MAN1C1: variants seen among roughly 807,000 people sequenced by gnomAD.
The protein encoded by MAN1C1 is mannosidase alpha class 1C member 1, also known as mannosyl-oligosaccharide 1,2-alpha-mannosidase IC.
In MAN1C1, 49 loss-of-function variants were observed where a neutral mutation model predicts 71.5. That is an observed-to-expected ratio of 0.69 (90% CI 0.54 to 0.87). MAN1C1 has a LOEUF of 0.87. Among genes scored for constraint, MAN1C1 ranks in the 40% least tolerant of loss-of-function variants. The pLI, the probability that MAN1C1 is intolerant of heterozygous loss-of-function variation, is 0.00. For missense variants in MAN1C1, 743 were observed against 835.0 expected (o/e 0.89, Z 1.36); for synonymous variants, 352 against 343.7 (o/e 1.02, Z -0.27).
intron 2 of MAN1C1, among the ~76,000 whole-genome samples, chr1:25,710,932 G>A (rs530136311): frequency 7.2e-5 from 11 of 152,218 alleles, no homozygotes; most frequent in Non-Finnish European, 1.6e-4. Flanking sequence ...AGGCCTCGGG[G>A]TCCTCACTTG....
chr1:25,696,802 C>T (rs371227351), intron 2 of MAN1C1, among the ~76,000 whole-genome samples: 2 of 152,004 alleles, frequency 1.3e-5, no homozygotes, highest in Admixed American at 6.6e-5. Context: ...CGGGACACCA[C>T]GCCTGGCTAA....
intron 2 of MAN1C1, among the ~76,000 whole-genome samples, chr1:25,713,363 G>A (rs2046638991): frequency 6.6e-6 from 1 of 152,232 alleles, no homozygotes; most frequent in South Asian, 2.1e-4. Context: ...ACAGACCCAG[G>A]TAAGCTGAGT....
chr1:25,681,615 C>T (rs905996577), intron 1 of MAN1C1, among the ~76,000 whole-genome samples: 2 of 152,188 alleles, frequency 1.3e-5, no homozygotes, highest in East Asian at 1.9e-4. Flanking sequence ...TGAGGACAGA[C>T]GTCTAAGACC....
At chr1:25,740,181 A>G (rs746030268) in intron 2 of MAN1C1, among the ~76,000 whole-genome samples, 3 of 152,138 alleles carry the variant, frequency 2.0e-5, no homozygotes, top group Non-Finnish European at 4.4e-5. Context: ...AGTGAGTGGC[A>G]TGAACAGTTT....
At chr1:25,623,591 A>G (rs919811474) in intron 1 of MAN1C1, among the ~76,000 whole-genome samples, 4 of 152,230 alleles carry the variant, frequency 2.6e-5, no homozygotes, top group Non-Finnish European at 4.4e-5. Flanking sequence ...TGTGATATAT[A>G]TCAGGCATAC....
At chr1:25,767,826 CT>C (rs2047463776) in intron 7 of MAN1C1, among the ~76,000 whole-genome samples, 1 of 138,186 alleles carries the variant, frequency 7.2e-6, no homozygotes, top group African/African-American at 2.8e-5. Flanking sequence ...CCACACTCCC[CT>C]CACACACACT....
At chr1:25,745,452 C>G (rs2047115698) in intron 2 of MAN1C1, among the ~76,000 whole-genome samples, 1 of 151,962 alleles carries the variant, frequency 6.6e-6, no homozygotes, top group African/African-American at 2.4e-5. Context: ...TCATACCAGA[C>G]TTAGTTCTGT....
At chr1:25,661,332 TG>T (rs569177438) in intron 1 of MAN1C1, among the ~76,000 whole-genome samples, 3 of 152,260 alleles carry the variant, frequency 2.0e-5, no homozygotes, top group Non-Finnish European at 2.9e-5. Context: ...GTGGACTATG[TG>T]CCAGGCACCA....
At chr1:25,752,652 C>T (rs547742354) in intron 4 of MAN1C1, among the ~76,000 whole-genome samples, 13 of 152,320 alleles carry the variant, frequency 8.5e-5, no homozygotes, top group South Asian at 2.1e-4. Flanking sequence ...AGGCAGGAAA[C>T]GGCTGGGTCA....
intron 1 of MAN1C1, among the ~76,000 whole-genome samples, chr1:25,628,768 C>T (rs978569972): frequency 7.2e-5 from 11 of 152,078 alleles, no homozygotes; most frequent in African/African-American, 2.7e-4. Flanking sequence ...TTCTGAGTCT[C>T]CAAAGTCCGT....
chr1:25,674,798 GTTTAT>G (rs2046041650), intron 1 of MAN1C1, among the ~76,000 whole-genome samples: 1 of 152,120 alleles, frequency 6.6e-6, no homozygotes, highest in African/African-American at 2.4e-5. Context: ...TCAAGAAGGA[GTTTAT>G]TTAAGTGTGT....
At chr1:25,660,103 C>T (rs1209719211) in intron 1 of MAN1C1, among the ~76,000 whole-genome samples, 2 of 152,132 alleles carry the variant, frequency 1.3e-5, no homozygotes, top group African/African-American at 2.4e-5. Context: ...TCAGATTAAA[C>T]TTAAGTGTTT....
In MAN1C1 at chr1:25,766,124, C is replaced by T. The variant is rs138802502; in HGVS notation, c.1141+2157C>T. On this transcript the variant is annotated intron_variant, in intron 7 of 11. Transcript: ENST00000374332. Reference sequence around the variant, plus strand: ...GTTACCTTGGCAAATTATAAGGGAGCCCCTGCCGGGAAGCATAATTTTCTT... The same window carrying T: ...GTTACCTTGGCAAATTATAAGGGAGTCCCTGCCGGGAAGCATAATTTTCTT... Among the ~76,000 whole-genome samples the T allele has an allele frequency of 7.8e-3, 1,185 of 152,270 alleles. 6 individuals are homozygous for T. The highest frequency in any genetic ancestry group is 0.012 in the Admixed American group (183 of 15,290).
In MAN1C1 at chr1:25,746,820, G is replaced by GGCCGGCC; in HGVS notation, c.753+40_753+41insGGCCGCC. On this transcript the variant is annotated intron_variant, in intron 3 of 11. Coordinates refer to ENST00000374332, the MANE Select transcript of MAN1C1 (RefSeq NM_020379.4). This position sits in a 1 kb window ranked among gnomAD's most constrained non-coding sequence, Gnocchi z 4.0. ...GCCCTCGGCGGGGGAGGGGGGCGGG[G>GGCCGGCC]GCCAGAAGAGGCCCAACAGCCAGCT... 1.1e-5 allele frequency: 11 copies of GGCCGGCC among 965,726 alleles called. No individual in the cohort carries two copies. The highest frequency in any genetic ancestry group is 1.1e-5 in the Non-Finnish European group (7 of 632,642). The allele number at this position is 965,726 out of a possible 1,614,324, so 59.8% of individuals were successfully genotyped here.
chr1:25,690,116 TG>T (rs2046287683), intron 2 of MAN1C1, among the ~76,000 whole-genome samples: 1 of 152,170 alleles, frequency 6.6e-6, no homozygotes, highest in Non-Finnish European at 1.5e-5. Context: ...GAGGCGTCTC[TG>T]AAGCCAGTTT....
chr1:25,669,128 C>T (rs1190085164), intron 1 of MAN1C1, among the ~76,000 whole-genome samples: 3 of 152,170 alleles, frequency 2.0e-5, no homozygotes, highest in Non-Finnish European at 4.4e-5. Context: ...CATTTGTGCC[C>T]TGCGTATGGC....
intron 1 of MAN1C1, among the ~76,000 whole-genome samples, chr1:25,647,543 C>T (rs1423217663): frequency 6.7e-6 from 1 of 150,062 alleles, no homozygotes; most frequent in Non-Finnish European, 1.5e-5. Flanking sequence ...TGCCCCTCTC[C>T]TGAGGCCAAG....
chr1:25,623,221 A>G (rs1271781256), intron 1 of MAN1C1, among the ~76,000 whole-genome samples: 1 of 152,196 alleles, frequency 6.6e-6, no homozygotes, highest in East Asian at 1.9e-4. Context: ...CCAAGTGTGC[A>G]GTTGAGTAAA....
At chr1:25,773,097 A>G (rs892289024) in intron 8 of MAN1C1, among the ~76,000 whole-genome samples, 10 of 152,240 alleles carry the variant, frequency 6.6e-5, no homozygotes, top group African/African-American at 1.9e-4. Context: ...TCTTCCCCAA[A>G]TAGAATATCA....
Sources: gnomAD v4.1 joint callset for allele counts (sites outside exome capture counted in the v4.1 genomes callset) on GRCh38, gnomAD v4.1.1 for gene constraint, Gnocchi (gnomAD v3.1) non-coding constraint, MANE v1.5 for transcripts, NCBI Gene and HGNC (gene_info 2026-07-23, HGNC 2026-07-21) for gene names.